PTPRD: variants seen among roughly 807,000 people sequenced by gnomAD.
PTPRD encodes the protein receptor-type tyrosine-protein phosphatase delta.
In PTPRD, 34 loss-of-function variants were observed where a neutral mutation model predicts 214.5. That is an observed-to-expected ratio of 0.16 (90% confidence interval 0.12 to 0.21). PTPRD has a LOEUF of 0.21. Among genes scored for constraint, PTPRD ranks in the 10% least tolerant of loss-of-function variants. The probability of loss-of-function intolerance (pLI) is 1.00; values close to 1 mark genes in which losing one functional copy is unlikely to be tolerated. For synonymous variants in PTPRD, 1,128 were observed against 845.7 expected (o/e 1.33, Z -5.79); for missense variants, 2,545 against 2,398.7 (o/e 1.06, Z -1.27).
intron 14 of PTPRD, among the ~76,000 whole-genome samples, chr9:8,586,630 A>G (rs997712003): frequency 6.6e-6 from 1 of 152,214 alleles, no homozygotes; most frequent in Non-Finnish European, 1.5e-5. Flanking sequence ...TCAAGATGAG[A>G]ATCCATACCT....
At chr9:9,729,364 C>G (rs1331476196) in intron 7 of PTPRD, among the ~76,000 whole-genome samples, 1 of 152,048 alleles carries the variant, frequency 6.6e-6, no homozygotes, top group East Asian at 1.9e-4. Context: ...ACTGAAAATG[C>G]ACATAGAGGA....
At chr9:9,416,167 G>T (rs1391479050) in intron 8 of PTPRD, among the ~76,000 whole-genome samples, 4 of 152,066 alleles carry the variant, frequency 2.6e-5, no homozygotes, top group African/African-American at 9.7e-5. Flanking sequence ...TTTCTAGATG[G>T]CTGAATCAAC....
At chr9:8,436,928 G>A (rs1483628019) in intron 34 of PTPRD, among the ~76,000 whole-genome samples, 1 of 152,186 alleles carries the variant, frequency 6.6e-6, no homozygotes, top group Non-Finnish European at 1.5e-5. Context: ...AACACTCCTA[G>A]TGTAAAAGAA....
intron 11 of PTPRD, among the ~76,000 whole-genome samples, chr9:8,845,264 A>G (rs750529358): frequency 6.6e-6 from 1 of 152,156 alleles, no homozygotes; most frequent in Non-Finnish European, 1.5e-5. Flanking sequence ...AAAAGTTTGC[A>G]AGGCCAGTTG....
chr9:10,602,285 G>C (rs561721449), intron 2 of PTPRD, among the ~76,000 whole-genome samples: 11 of 151,766 alleles, frequency 7.2e-5, no homozygotes, highest in Non-Finnish European at 1.5e-4. Context: ...TAACATTTCT[G>C]ATAATTTCAT....
intron 4 of PTPRD, among the ~76,000 whole-genome samples, chr9:9,946,958 A>G (rs1360958328): frequency 2.0e-5 from 3 of 151,956 alleles, no homozygotes; most frequent in Admixed American, 2.0e-4. Flanking sequence ...ACGATTATAT[A>G]TATTAAAATC....
intron 39 of PTPRD, among the ~76,000 whole-genome samples, chr9:8,343,701 C>A (rs774127015): frequency 6.6e-6 from 1 of 151,994 alleles, no homozygotes; most frequent in Non-Finnish European, 1.5e-5. Flanking sequence ...GGGCAGCCAT[C>A]CATAAACAAC....
intron 5 of PTPRD, among the ~76,000 whole-genome samples, chr9:9,876,437 G>A (rs751971329): frequency 1.1e-4 from 16 of 152,020 alleles, no homozygotes; most frequent in Non-Finnish European, 2.2e-4. Flanking sequence ...ACGGAGCTGT[G>A]AATGTCTCTT....
intron 5 of PTPRD, among the ~76,000 whole-genome samples, chr9:9,907,763 C>G (rs1222630013): frequency 6.6e-6 from 1 of 151,924 alleles, no homozygotes; most frequent in African/African-American, 2.4e-5. Context: ...ATTAATCATA[C>G]AATTCTCCTA....
chr9:8,707,325 A>G (rs2098231108), intron 12 of PTPRD, among the ~76,000 whole-genome samples: 1 of 152,252 alleles, frequency 6.6e-6, no homozygotes, highest in Non-Finnish European at 1.5e-5. Context: ...TCAGAAATGC[A>G]GATCTTAAAT....
intron 9 of PTPRD, among the ~76,000 whole-genome samples, chr9:9,306,558 C>T (rs576509600): frequency 2.2e-4 from 18 of 83,592 alleles, no homozygotes; most frequent in African/African-American, 7.8e-4. Context: ...AGTGAGACTC[C>T]GTCTCAAAAA....
rs149291707 is a variant in PTPRD at position 9,022,754 on chromosome 9, A to G, written c.-142-4019T>C. Among the ~76,000 whole-genome samples the G allele has an allele frequency of 2.3e-4, 35 of 152,336 alleles. No homozygotes were observed. In the East Asian group the frequency reaches 6.2e-3, roughly 27 times the overall value. ...AACACTTTTTCTTTGCAACATGTGC[A>G]TGGAATATGAAGAAGCTGTAATATG... On this transcript the variant is annotated intron_variant, in intron 10 of 45. Transcript: ENST00000381196.
chr9:9,090,002 G>A (rs1230627031), intron 10 of PTPRD, among the ~76,000 whole-genome samples: 2 of 152,128 alleles, frequency 1.3e-5, no homozygotes, highest in Non-Finnish European at 1.5e-5. Context: ...ATGCATACAT[G>A]TGTAATGATC....
chr9:8,661,472 T>G (rs1294321901), intron 12 of PTPRD, among the ~76,000 whole-genome samples: 1 of 152,106 alleles, frequency 6.6e-6, no homozygotes, highest in South Asian at 2.1e-4. Context: ...AAAGGGAAAT[T>G]TTAATGTCTA....
At chr9:10,537,852 G>T (rs891871862) in intron 2 of PTPRD, among the ~76,000 whole-genome samples, 1 of 152,000 alleles carries the variant, frequency 6.6e-6, no homozygotes, top group African/African-American at 2.4e-5. Context: ...CCTAAAGATG[G>T]TTGCCAGATC....
chr9:8,999,972 T>C (rs1275203347), intron 11 of PTPRD, among the ~76,000 whole-genome samples: 2 of 151,920 alleles, frequency 1.3e-5, no homozygotes, highest in African/African-American at 4.8e-5. Flanking sequence ...TTCCAATGAG[T>C]TTCATTTCCT....
intron 2 of PTPRD, among the ~76,000 whole-genome samples, chr9:10,567,478 A>C (rs953670015): frequency 5.3e-5 from 8 of 152,110 alleles, no homozygotes; most frequent in Non-Finnish European, 1.0e-4. Flanking sequence ...TTTCCAAAGA[A>C]CACCACCATA....
intron 5 of PTPRD, among the ~76,000 whole-genome samples, chr9:9,788,535 G>C (rs2098943184): frequency 7.5e-6 from 1 of 132,746 alleles, no homozygotes; most frequent in Non-Finnish European, 1.5e-5. Context: ...CTGGGCAACA[G>C]TGAGAAGCTC....
chr9:8,937,238 G>A (rs768528305), intron 11 of PTPRD, among the ~76,000 whole-genome samples: 3 of 152,148 alleles, frequency 2.0e-5, no homozygotes, highest in Non-Finnish European at 4.4e-5. Context: ...CAGGAGGCAT[G>A]AAAATATAGA....
Sources: allele counts gnomAD v4.1 joint callset (sites outside exome capture counted in the v4.1 genomes callset), GRCh38; gene constraint gnomAD v4.1.1; transcripts MANE v1.5; gene names NCBI Gene and HGNC (gene_info 2026-07-23, HGNC 2026-07-21).